Variants in AKAP6 observed in about 807,000 individuals in gnomAD.
The protein encoded by AKAP6 is A-kinase anchoring protein 6, also known as A-kinase anchor protein 6.
Under a neutral mutation model 188.5 loss-of-function variants are expected in AKAP6, and 58 were observed. The observed-to-expected ratio is 0.31, with a 90% CI of 0.25 to 0.38. The LOEUF (loss-of-function observed/expected upper bound fraction) is 0.38, where lower values mean the gene tolerates loss of function less well. AKAP6 is among the 10% of genes least tolerant of loss of function. The probability of loss-of-function intolerance (pLI) is 1.00; values close to 1 mark genes in which losing one functional copy is unlikely to be tolerated. For synonymous variants in AKAP6, 989 were observed against 998.6 expected, an observed-to-expected ratio of 0.99 and a Z score of 0.18; for missense variants, 2,710 against 2,740.0, an observed-to-expected ratio of 0.99 and a Z score of 0.24.
intron 5 of AKAP6, 138 bp downstream of exon 5, chr14:32,577,380 A>C: frequency 9.0e-7 from 1 of 1,113,160 alleles, no homozygotes; most frequent in South Asian, 1.6e-5. Context: ...GGGTCACAGA[A>C]GATGAAAATT....
At chr14:32,369,556 G>T (rs1887943569) in intron 1 of AKAP6, among the ~76,000 whole-genome samples, 1 of 152,180 alleles carries the variant, frequency 6.6e-6, no homozygotes, top group Non-Finnish European at 1.5e-5. Flanking sequence ...TTTTGATCCT[G>T]GGTCACTGTT....
At chr14:32,593,011 AACACACACACACACACACAC>A (rs60277036) in intron 5 of AKAP6, among the ~76,000 whole-genome samples, 29 of 123,878 alleles carry the variant, frequency 2.3e-4, no homozygotes, top group East Asian at 6.7e-4. Flanking sequence ...CCCCCACCCC[AACACACACACACACACACAC>A]ACACACACAC....
In AKAP6 at chr14:32,577,191, T is replaced by A. The variant is rs1479570452; in HGVS notation, c.2418T>A (p.Thr806=). 1.2e-6 allele frequency: 2 copies of A among 1,612,334 alleles called. No individual in the cohort carries two copies. The highest frequency in any genetic ancestry group is 3.3e-5 in the Admixed American group (2 of 59,748). Residue 806 remains threonine, a synonymous_variant, in exon 5 of 14, where the codon ACT becomes ACA. Coordinates refer to ENST00000280979, the MANE Select transcript of AKAP6 (RefSeq NM_004274.5). ...NEAMETTENW[T]PPKAEMDDLK... ...CCATGGAAACTACAGAAAATTGGAC[T>A]CCCCCTAAAGCAGAGATGGATGACC...
intron 2 of AKAP6, among the ~76,000 whole-genome samples, chr14:32,449,269 A>T (rs983002777): frequency 1.2e-4 from 19 of 152,164 alleles, no homozygotes; most frequent in Admixed American, 1.2e-3. Context: ...GCACTTTGGG[A>T]GGCCGAGGTG....
At chr14:32,584,372 A>C (rs1480025527) in intron 5 of AKAP6, among the ~76,000 whole-genome samples, 1 of 152,196 alleles carries the variant, frequency 6.6e-6, no homozygotes, top group African/African-American at 2.4e-5. Context: ...ACTTCACCAC[A>C]CAACTCAGAA....
intron 9 of AKAP6, among the ~76,000 whole-genome samples, chr14:32,721,976 C>T (rs2030562167): frequency 6.6e-6 from 1 of 152,186 alleles, no homozygotes; most frequent in Non-Finnish European, 1.5e-5. Flanking sequence ...TGAATGGGAA[C>T]CCACTATCTC....
At chr14:32,395,325 G>A (rs1888843144) in intron 1 of AKAP6, among the ~76,000 whole-genome samples, 1 of 152,072 alleles carries the variant, frequency 6.6e-6, no homozygotes. Flanking sequence ...TTTATCATTA[G>A]TAGCAAGTTA....
intron 2 of AKAP6, among the ~76,000 whole-genome samples, chr14:32,441,972 A>G (rs529442992): frequency 6.9e-4 from 105 of 152,338 alleles, no homozygotes; most frequent in African/African-American, 2.5e-3. Flanking sequence ...TAATGTCACC[A>G]TGAGCTCTCA....
At chr14:32,625,352 G>A (rs951452135) in intron 7 of AKAP6, among the ~76,000 whole-genome samples, 3 of 152,058 alleles carry the variant, frequency 2.0e-5, no homozygotes, top group African/African-American at 4.8e-5. Flanking sequence ...CATGCCTGCT[G>A]TCATTTTTGT....
intron 2 of AKAP6, among the ~76,000 whole-genome samples, chr14:32,488,048 T>G (rs1040981254): frequency 6.6e-6 from 1 of 152,190 alleles, no homozygotes; most frequent in African/African-American, 2.4e-5. Context: ...TATCAGAGCT[T>G]GAGTGCTGTG....
intron 1 of AKAP6, among the ~76,000 whole-genome samples, chr14:32,346,392 C>A (rs17098838): frequency 0.19 from 29,242 of 152,214 alleles, 3,883 homozygotes; most frequent in African/African-American, 0.38. Context: ...ACAAATTAAA[C>A]ATCTTTCTGA....
chr14:32,376,471 T>TA (rs1888160323), intron 1 of AKAP6, among the ~76,000 whole-genome samples: 1 of 152,210 alleles, frequency 6.6e-6, no homozygotes, highest in South Asian at 2.1e-4. Context: ...TTTGGGTTCT[T>TA]ACATAGGACC....
At chr14:32,480,479 G>T (rs1028371450) in intron 2 of AKAP6, among the ~76,000 whole-genome samples, 1 of 152,104 alleles carries the variant, frequency 6.6e-6, no homozygotes, top group African/African-American at 2.4e-5. Flanking sequence ...GTCCATTCAT[G>T]GTCAGTTATG....
In AKAP6 at chr14:32,822,453, A is replaced by G; in HGVS notation, c.4640A>G (p.Glu1547Gly). ...DRISYKSGNI[E>G]KTFTGMQNAK... ...ATTTCATATAAAAGTGGCAATATAG[A>G]AAAGACATTCACTGGCATGCAGAAT... The change falls in exon 13 of 14, where the codon GAA becomes GGA. Residue 1547 changes from glutamate (E) to glycine (G), a missense_variant. Transcript: ENST00000280979. 1 of 1,614,070 alleles carries G rather than the reference A, an allele frequency of 6.2e-7. No individual in the cohort carries two copies. Among genetic ancestry groups the G allele is most frequent in the Non-Finnish European group, 8.5e-7 (1 of 1,179,962 alleles).
intron 4 of AKAP6, among the ~76,000 whole-genome samples, chr14:32,556,839 C>A (rs1883709555): frequency 6.6e-6 from 1 of 152,002 alleles, no homozygotes; most frequent in Admixed American, 6.6e-5. Flanking sequence ...AGCCCAACAT[C>A]ATGAAGTTTT....
In AKAP6 at chr14:32,546,012, C is replaced by A; in HGVS notation, c.1359C>A (p.Ser453Arg). ...ACCCCAACAGCCCTTCTGCTGCCAG[C>A]CAGTCTTATGAGTGTTTACACAAGG... ...SSYPNSPSAA[S>R]QSYECLHKVG... The change falls in exon 4 of 14, where the codon AGC becomes AGA. Residue 453 changes from serine to arginine, a missense_variant. Ser to Arg is a moderately radical substitution (Grantham distance 110). Transcript: ENST00000280979. 1 of 1,614,114 alleles carries A rather than the reference C, an allele frequency of 6.2e-7. No individual in the cohort carries two copies. Among genetic ancestry groups the A allele is most frequent in the South Asian group, 1.1e-5 (1 of 91,074 alleles).
chr14:32,511,739 AT>A (rs1566547707), intron 2 of AKAP6, among the ~76,000 whole-genome samples: 1 of 151,898 alleles, frequency 6.6e-6, no homozygotes, highest in Non-Finnish European at 1.5e-5. Flanking sequence ...TTGGCCACAC[AT>A]TTTTTCCTCT....
At chr14:32,680,789 A>T (rs1039583698) in intron 8 of AKAP6, among the ~76,000 whole-genome samples, 2 of 152,242 alleles carry the variant, frequency 1.3e-5, no homozygotes, top group African/African-American at 4.8e-5. Context: ...TTAGCCTGAC[A>T]AAAAGGTATG....
chr14:32,544,670 G>A (rs1033380063), intron 3 of AKAP6, among the ~76,000 whole-genome samples: 2 of 152,098 alleles, frequency 1.3e-5, no homozygotes, highest in African/African-American at 4.8e-5. Context: ...AACTGGTCTT[G>A]AACTATTATG....
Sources: allele counts gnomAD v4.1 joint callset (sites outside exome capture counted in the v4.1 genomes callset), GRCh38; gene constraint gnomAD v4.1.1; transcripts MANE v1.5; gene names NCBI Gene and HGNC (gene_info 2026-07-23, HGNC 2026-07-21).